KCNQ5: variants seen among roughly 807,000 people sequenced by gnomAD.
KCNQ5 encodes the protein potassium voltage-gated channel subfamily KQT member 5.
Under a neutral mutation model 98.2 loss-of-function variants are expected in KCNQ5, and 30 were observed. The observed-to-expected ratio is 0.31, with a 90% CI of 0.23 to 0.41. KCNQ5 has a LOEUF of 0.41. Among genes scored for constraint, KCNQ5 ranks in the 10% least tolerant of loss-of-function variants. The pLI is 1.00. For synonymous variants in KCNQ5, 458 were observed against 449.4 expected, an observed-to-expected ratio of 1.02 and a Z score of -0.24; for missense variants, 835 against 1,182.5, an observed-to-expected ratio of 0.71 and a Z score of 4.31.
chr6:73,147,894 AAGTG>A (rs1237782951), intron 10 of KCNQ5, among the ~76,000 whole-genome samples: 1 of 152,176 alleles, frequency 6.6e-6, no homozygotes, highest in African/African-American at 2.4e-5. Context: ...GCATTCAAAT[AAGTG>A]AGTATTTGAG....
chr6:73,153,718 C>G (rs1777241384), intron 10 of KCNQ5, among the ~76,000 whole-genome samples: 1 of 151,994 alleles, frequency 6.6e-6, no homozygotes, highest in African/African-American at 2.4e-5. Context: ...TACACTTCCT[C>G]TAATACTGCA....
intron 9 of KCNQ5, among the ~76,000 whole-genome samples, chr6:73,131,861 C>T (rs933464884): frequency 2.0e-5 from 3 of 152,130 alleles, no homozygotes; most frequent in South Asian, 2.1e-4. Context: ...CAAACTGCCC[C>T]GCCTGTTCTT....
chr6:72,764,053 A>G (rs905339902), intron 1 of KCNQ5, among the ~76,000 whole-genome samples: 1 of 151,976 alleles, frequency 6.6e-6, no homozygotes, highest in Non-Finnish European at 1.5e-5. Flanking sequence ...CATTATTTTG[A>G]TAATAGCTAC....
chr6:72,688,239 T>G (rs574382745), intron 1 of KCNQ5, among the ~76,000 whole-genome samples: 31 of 152,312 alleles, frequency 2.0e-4, no homozygotes, highest in African/African-American at 7.5e-4. Flanking sequence ...GAACATCTTC[T>G]TTTGTACAAC....
intron 1 of KCNQ5, among the ~76,000 whole-genome samples, chr6:72,882,342 G>A (rs912848620): frequency 6.6e-6 from 1 of 152,188 alleles, no homozygotes; most frequent in Non-Finnish European, 1.5e-5. Context: ...GTAGATGTGG[G>A]TGGTTCTAAG....
At chr6:72,947,620 A>G (rs965934913) in intron 1 of KCNQ5, among the ~76,000 whole-genome samples, 3 of 152,158 alleles carry the variant, frequency 2.0e-5, no homozygotes, top group Non-Finnish European at 4.4e-5. Context: ...CACCACATCC[A>G]GAAGTATTAT....
At position 72,682,480 on chromosome 6, in the gene KCNQ5, C is replaced by A. The variant is rs147934898; in HGVS notation, c.398+59893C>A. 3.9e-5 allele frequency among the ~76,000 whole-genome samples: 6 copies of A among 152,156 alleles called. No individual in the cohort carries two copies. In the East Asian group the frequency reaches 1.2e-3, roughly 29 times the overall value. On this transcript the variant is annotated intron_variant, in intron 1 of 13. Coordinates refer to ENST00000370398, the MANE Select transcript of KCNQ5 (RefSeq NM_019842.4). The stretch of plus-strand genomic sequence containing the variant: ...TCCTTTGGCCCCACACTTATGTCTT[C>A]CTTGCTTCCTTTCATTCTGCTTTTC...
At chr6:72,633,854 C>G (rs1264981700) in intron 1 of KCNQ5, among the ~76,000 whole-genome samples, 1 of 152,098 alleles carries the variant, frequency 6.6e-6, no homozygotes, top group Non-Finnish European at 1.5e-5. Flanking sequence ...TAAACTGGAC[C>G]CCTACCTTTC....
At chr6:73,167,727 G>A (rs948144229) in intron 10 of KCNQ5, among the ~76,000 whole-genome samples, 2 of 152,134 alleles carry the variant, frequency 1.3e-5, no homozygotes, top group Non-Finnish European at 2.9e-5. Context: ...TATTTCTCAC[G>A]GTTCTGAAGG....
intron 2 of KCNQ5, among the ~76,000 whole-genome samples, chr6:73,008,053 T>C (rs901218410): frequency 1.3e-5 from 2 of 152,010 alleles, no homozygotes; most frequent in African/African-American, 4.8e-5. Flanking sequence ...GTTATAACTT[T>C]AGGATGTTAA....
At chr6:72,866,409 C>T (rs1456318421) in intron 1 of KCNQ5, among the ~76,000 whole-genome samples, 2 of 151,906 alleles carry the variant, frequency 1.3e-5, no homozygotes, top group African/African-American at 4.8e-5. Flanking sequence ...TGCACACCAC[C>T]ATGCCTGGCT....
chr6:72,823,189 A>T (rs747954675), intron 1 of KCNQ5, among the ~76,000 whole-genome samples: 6 of 152,216 alleles, frequency 3.9e-5, no homozygotes, highest in Non-Finnish European at 7.3e-5. Flanking sequence ...CTTTTCACAT[A>T]TTGCATTGAA....
intron 1 of KCNQ5, among the ~76,000 whole-genome samples, chr6:72,925,015 C>A (rs776540836): frequency 3.9e-5 from 6 of 152,030 alleles, no homozygotes; most frequent in East Asian, 1.9e-4. Context: ...TGAAAAACAT[C>A]CTAAGATTTA....
intron 1 of KCNQ5, among the ~76,000 whole-genome samples, chr6:72,624,910 A>G (rs147354688): frequency 5.9e-5 from 9 of 152,358 alleles, no homozygotes; most frequent in African/African-American, 1.4e-4. Context: ...GACTTTACAC[A>G]TTACATTCAT....
At chr6:72,901,711 C>T (rs556086207) in intron 1 of KCNQ5, among the ~76,000 whole-genome samples, 2 of 152,082 alleles carry the variant, frequency 1.3e-5, no homozygotes, top group East Asian at 3.9e-4. Context: ...GTCTATGTGC[C>T]TATTTTATAC....
intron 1 of KCNQ5, among the ~76,000 whole-genome samples, chr6:72,808,473 C>G (rs1242655688): frequency 1.3e-5 from 2 of 152,060 alleles, no homozygotes; most frequent in Non-Finnish European, 2.9e-5. Context: ...TTGTCAAAAC[C>G]CATCATGTTT....
rs568012853 is a variant in KCNQ5 at position 72,894,538 on chromosome 6, G to T, written c.399-109370G>T. ...GAAAAGTCACAAAACAAATTTCTTT[G>T]TAGATCAAATACTAAGAGGTGAAGA... On this transcript the variant is annotated intron_variant, in intron 1 of 13. Coordinates refer to ENST00000370398, the MANE Select transcript of KCNQ5 (RefSeq NM_019842.4). 2.0e-5 allele frequency among the ~76,000 whole-genome samples: 3 copies of T among 152,276 alleles called. No individual in the cohort carries two copies. In the East Asian group the frequency reaches 5.8e-4, roughly 29 times the overall value.
chr6:73,150,721 C>G (rs1213264836), intron 10 of KCNQ5, among the ~76,000 whole-genome samples: 2 of 151,278 alleles, frequency 1.3e-5, no homozygotes, highest in Non-Finnish European at 2.9e-5. Flanking sequence ...GCAGCTGAAT[C>G]TTGTGAGAAT....
chr6:73,125,747 G>A (rs532027391), intron 9 of KCNQ5, among the ~76,000 whole-genome samples: 9 of 152,208 alleles, frequency 5.9e-5, no homozygotes, highest in African/African-American at 7.2e-5. Flanking sequence ...AGATAGGCAC[G>A]ATAGGATATA....
Sources: allele counts gnomAD v4.1 joint callset (sites outside exome capture counted in the v4.1 genomes callset), GRCh38; gene constraint gnomAD v4.1.1; transcripts MANE v1.5; gene names NCBI Gene and HGNC (gene_info 2026-07-23, HGNC 2026-07-21).